The following NCOR1 variants were observed in gnomAD, a reference collection of about 807,000 sequenced individuals.
NCOR1 encodes the protein nuclear receptor corepressor 1, also known as protein phosphatase 1, regulatory subunit 109.
NCOR1 carries 63 observed loss-of-function variants against 288.1 expected under a neutral mutation model. That is an observed-to-expected ratio of 0.22 (90% CI 0.18 to 0.27). The LOEUF (loss-of-function observed/expected upper bound fraction) is 0.27, where lower values mean the gene tolerates loss of function less well. Among genes scored for constraint, NCOR1 ranks in the 10% least tolerant of loss-of-function variants. NCOR1 has a pLI of 1.00. For missense variants in NCOR1, 2,397 were observed against 3,019.2 expected, an observed-to-expected ratio of 0.79 and a Z score of 4.83; for synonymous variants, 1,007 against 1,065.9, an observed-to-expected ratio of 0.94 and a Z score of 1.08.
Position 16,041,557 on chromosome 17 carries a change from GCCC to G in NCOR1, c.6680-1066_6680-1064del, listed in dbSNP as rs377594813. Among the ~76,000 whole-genome samples the G allele has an allele frequency of 5.3e-5, 8 of 150,892 alleles. No individual in the cohort carries two copies. In the East Asian group the frequency reaches 1.4e-3, roughly 26 times the overall value. On this transcript the variant is annotated intron_variant, in intron 42 of 45. Coordinates refer to ENST00000268712, the MANE Select transcript of NCOR1 (RefSeq NM_006311.4). ...GCCTCCCGAGCAGCTGGGATTATAGGCCCCCCGCCACCATGCCCAGCTAATTTT... is the reference window on the plus strand; with the variant it reads ...GCCTCCCGAGCAGCTGGGATTATAGGCCCGCCACCATGCCCAGCTAATTTT...
At chr17:16,039,699 A>C (rs2057180476) in intron 43 of NCOR1, 45 bp from the exon 44 acceptor site, 6 of 1,534,428 alleles carry the variant, frequency 3.9e-6, no homozygotes, top group East Asian at 2.3e-5. Flanking sequence ...TGAAAGGCCA[A>C]TCAGGAAACA....
At chr17:16,144,957 G>A (rs1305586947) in intron 10 of NCOR1, among the ~76,000 whole-genome samples, 2 of 152,102 alleles carry the variant, frequency 1.3e-5, no homozygotes, top group Non-Finnish European at 2.9e-5. Context: ...GTCTCCCTCT[G>A]TTGCGGAAGC....
chr17:16,071,769 T>C (rs1313660232), intron 29 of NCOR1, 104 bp from the exon 30 acceptor site: 3 of 1,082,738 alleles, frequency 2.8e-6, no homozygotes, highest in African/African-American at 1.6e-5. Flanking sequence ...TTTTGTTACA[T>C]ATATTTTAAC....
intron 43 of NCOR1, 171 bp downstream of exon 43, chr17:16,040,270 C>G: frequency 1.4e-6 from 1 of 698,672 alleles, no homozygotes; most frequent in Non-Finnish European, 2.6e-6. Context: ...TACTGGATCT[C>G]AGTTCCTTTC....
chr17:16,036,181 A>G (rs1042515218), intron 44 of NCOR1, among the ~76,000 whole-genome samples: 8 of 152,224 alleles, frequency 5.3e-5, no homozygotes, highest in African/African-American at 1.9e-4. Flanking sequence ...CATGAAAACA[A>G]CATTCATCTC....
chr17:16,215,134 A>G (rs999654341), intron 1 of NCOR1, among the ~76,000 whole-genome samples: 4 of 151,988 alleles, frequency 2.6e-5, no homozygotes, highest in East Asian at 1.9e-4. Context: ...TCCAAACTCC[A>G]TAAGCCTCCG....
chr17:16,093,808 CTAAT>C (rs2065841053), intron 21 of NCOR1, among the ~76,000 whole-genome samples: 1 of 152,130 alleles, frequency 6.6e-6, no homozygotes, highest in Non-Finnish European at 1.5e-5. Flanking sequence ...CTGTAAGTGT[CTAAT>C]TAAGAAGACA....
At chr17:16,125,052 C>A (rs913680064) in intron 15 of NCOR1, among the ~76,000 whole-genome samples, 2 of 152,210 alleles carry the variant, frequency 1.3e-5, no homozygotes, top group Non-Finnish European at 2.9e-5. Context: ...TCAACTTAAT[C>A]ATGTAACTAT....
At chr17:16,100,098 G>A (rs1237832748) in intron 20 of NCOR1, among the ~76,000 whole-genome samples, 1 of 152,084 alleles carries the variant, frequency 6.6e-6, no homozygotes, top group Non-Finnish European at 1.5e-5. Context: ...AAGGAGTGGG[G>A]TTTAATTGGG....
intron 19 of NCOR1, among the ~76,000 whole-genome samples, chr17:16,102,609 T>C (rs2067840333): frequency 6.6e-6 from 1 of 152,076 alleles, no homozygotes; most frequent in South Asian, 2.1e-4. Context: ...TTTTTTTTTT[T>C]TGGAGGCAGA....
Position 16,043,746 on chromosome 17 carries a change from C to T in NCOR1, c.6679+3205G>A, listed in dbSNP as rs539701879. Reference sequence around the variant, plus strand: ...TGAGATCTCTAGCTCTCCGTGCTCACACAGATTCATCTCTGAGTGCCAAGA... The same window carrying T: ...TGAGATCTCTAGCTCTCCGTGCTCATACAGATTCATCTCTGAGTGCCAAGA... On this transcript the variant is annotated intron_variant, in intron 42 of 45. Transcript: ENST00000268712. 3.9e-5 allele frequency among the ~76,000 whole-genome samples: 6 copies of T among 152,340 alleles called. No individual in the cohort carries two copies. In the South Asian group the frequency reaches 6.2e-4, roughly 16 times the overall value.
intron 13 of NCOR1, chr17:16,137,621 T>A: frequency 3.0e-6 from 1 of 335,542 alleles, no homozygotes; most frequent in Non-Finnish European, 5.3e-6. Context: ...CAGTTGTTAA[T>A]CCAAATTATG....
intron 14 of NCOR1, among the ~76,000 whole-genome samples, chr17:16,136,062 C>T (rs551641373): frequency 4.6e-5 from 7 of 152,316 alleles, no homozygotes; most frequent in South Asian, 2.1e-4. Flanking sequence ...TGGTAAGCAC[C>T]TGTGAGCTAT....
At chr17:16,159,413 CA>C (rs35243097) in intron 5 of NCOR1, among the ~76,000 whole-genome samples, 27,940 of 66,254 alleles carry the variant, frequency 0.42, 2,360 homozygotes, top group Non-Finnish European at 0.47. Context: ...AACTCTATCT[CA>C]AAAAAAAAAA....
chr17:16,074,899 G>A (rs1056897269), intron 27 of NCOR1, among the ~76,000 whole-genome samples: 8 of 152,000 alleles, frequency 5.3e-5, no homozygotes, highest in Non-Finnish European at 1.0e-4. Context: ...ACAGACTCTC[G>A]CTCTGTCGCC....
chr17:16,120,730 C>G (rs1325658821), intron 16 of NCOR1, among the ~76,000 whole-genome samples: 1 of 151,946 alleles, frequency 6.6e-6, no homozygotes, highest in African/African-American at 2.4e-5. Flanking sequence ...CCTAATCATT[C>G]AGCAATAAGA....
intron 3 of NCOR1, among the ~76,000 whole-genome samples, chr17:16,181,684 C>A (rs2153507066): frequency 6.6e-6 from 1 of 151,088 alleles, no homozygotes; most frequent in Admixed American, 6.6e-5. Flanking sequence ...ACCATGTAAA[C>A]CTCAAATATA....
At position 16,119,403 on chromosome 17, in the gene NCOR1, CCAGAA is replaced by C; in HGVS notation, c.1915+15_1915+19del. On this transcript the variant is annotated intron_variant, in intron 17 of 45. Transcript: ENST00000268712. Reference sequence around the variant, plus strand: ...AAAAACAAAACAAAAACCTGAGAAACCAGAACTACTACAATTTACCTTTTTTAGCA... The same window carrying C: ...AAAAACAAAACAAAAACCTGAGAAACCTACTACAATTTACCTTTTTTAGCA... 1 of 1,580,128 alleles carries C rather than the reference CCAGAA, an allele frequency of 6.3e-7. No individual in the cohort carries two copies.
chr17:16,055,585 AC>A (rs1222075997), intron 40 of NCOR1, among the ~76,000 whole-genome samples: 1 of 152,166 alleles, frequency 6.6e-6, no homozygotes, highest in Non-Finnish European at 1.5e-5. Context: ...CAGGCTTAAT[AC>A]CTGGGTGACA....
Sources: allele counts gnomAD v4.1 joint callset (sites outside exome capture counted in the v4.1 genomes callset), GRCh38; gene constraint gnomAD v4.1.1; transcripts MANE v1.5; gene names NCBI Gene and HGNC (gene_info 2026-07-23, HGNC 2026-07-21).